Variants in SLC28A3 observed in about 807,000 individuals in gnomAD.
The protein encoded by SLC28A3 is solute carrier family 28 member 3, also known as concentrative Na(+)-nucleoside cotransporter 3.
In SLC28A3, 68 loss-of-function variants were observed where a neutral mutation model predicts 84.2. The observed-to-expected ratio is 0.81, with a 90% CI of 0.66 to 0.99. SLC28A3 has a LOEUF of 0.99. Among genes scored for constraint, SLC28A3 ranks in the 50% least tolerant of loss-of-function variants. The pLI is 0.00. For missense variants in SLC28A3, 712 were observed against 841.5 expected, an observed-to-expected ratio of 0.85 and a Z score of 1.90; for synonymous variants, 267 against 303.6, an observed-to-expected ratio of 0.88 and a Z score of 1.25.
the SLC28A3 span, among the ~76,000 whole-genome samples, chr9:84,351,860 A>G: frequency 6.6e-6 from 1 of 151,310 alleles, no homozygotes; most frequent in African/African-American, 2.4e-5. Flanking sequence ...AATGTCTGTG[A>G]TTTTACTCCC....
the SLC28A3 span, among the ~76,000 whole-genome samples, chr9:84,360,178 C>G: frequency 2.9e-3 from 440 of 151,986 alleles, 2 homozygotes; most frequent in Non-Finnish European, 5.4e-3. Context: ...GTTCTAGGAA[C>G]CATGGGAAGC....
At chr9:84,345,848 C>T in the SLC28A3 span, among the ~76,000 whole-genome samples, 2 of 152,198 alleles carry the variant, frequency 1.3e-5, no homozygotes, top group Non-Finnish European at 2.9e-5. Context: ...TGACTCCTTG[C>T]AGCACCAGAA....
intron 1 of SLC28A3, among the ~76,000 whole-genome samples, chr9:84,319,749 A>T (rs1391420029): frequency 2.6e-5 from 4 of 152,138 alleles, no homozygotes; most frequent in Non-Finnish European, 5.9e-5. Flanking sequence ...AGACACTGCC[A>T]TAAGAACTTC....
chr9:84,283,727 TATCTC>T (rs1417777296), intron 14 of SLC28A3, among the ~76,000 whole-genome samples: 3 of 152,184 alleles, frequency 2.0e-5, no homozygotes, highest in Admixed American at 6.5e-5. Flanking sequence ...CTCTCCCTCT[TATCTC>T]AGATGGAGGT....
At chr9:84,355,392 C>T in the SLC28A3 span, among the ~76,000 whole-genome samples, 4 of 151,938 alleles carry the variant, frequency 2.6e-5, no homozygotes, top group East Asian at 7.7e-4. Flanking sequence ...GAGCTATGAT[C>T]GTGCTACTAT....
rs564271324 is a variant in SLC28A3 at position 84,321,577 on chromosome 9, C to CA, written c.61-8124dup. 7.0e-3 allele frequency among the ~76,000 whole-genome samples: 1,054 copies of CA among 150,868 alleles called. 10 individuals carry two copies. The highest frequency in any genetic ancestry group is 0.023 in the African/African-American group (941 of 41,068). On this transcript the variant is annotated intron_variant, in intron 1 of 17. Transcript: ENST00000376238. The stretch of plus-strand genomic sequence containing the variant: ...TGAAACCCCGTCTCTACTAAAAATA[C>CA]AAAAAAATTAGCCAGGCGTGGTGGC...
Position 84,297,907 on chromosome 9 carries a change from T to C in SLC28A3, c.782A>G (p.Gln261Arg). Residue 261 changes from glutamine to arginine, a missense_variant and splice_region_variant, in exon 7 of 18, where the codon CAG becomes CGG. Physicochemically the swap from Gln to Arg is conservative, Grantham distance 43. Transcript: ENST00000376238. ...IAFDWLGRQVQTFLEYTDAGA... is the reference protein window; with the variant it reads ...IAFDWLGRQVRTFLEYTDAGA... ...AGTGTTCTTTTGAACCAAACTTACC[T>C]GAACTTGTCTGCCCAACCAATCAAA... is the stretch of plus-strand genomic sequence containing the variant. The C allele has an allele frequency of 6.3e-7, 1 of 1,597,478 alleles. No individual in the cohort carries two copies.
the SLC28A3 span, among the ~76,000 whole-genome samples, chr9:84,350,443 AAAAT>A: frequency 4.6e-5 from 7 of 151,402 alleles, no homozygotes; most frequent in East Asian, 1.9e-4. Context: ...CCAGGTCTCA[AAAAT>A]AAATAAATAA....
At chr9:84,349,554 T>C in the SLC28A3 span, among the ~76,000 whole-genome samples, 1 of 152,152 alleles carries the variant, frequency 6.6e-6, no homozygotes, top group South Asian at 2.1e-4. Flanking sequence ...TTTTTATAAA[T>C]TACCCATTAT....
At chr9:84,333,116 C>A (rs1359665663) in intron 1 of SLC28A3, among the ~76,000 whole-genome samples, 1 of 152,098 alleles carries the variant, frequency 6.6e-6, no homozygotes, top group Non-Finnish European at 1.5e-5. Flanking sequence ...GAGAAGCACA[C>A]AGTTTTCATG....
At chr9:84,296,744 G>A (rs985558223) in intron 8 of SLC28A3, among the ~76,000 whole-genome samples, 1 of 150,290 alleles carries the variant, frequency 6.7e-6, no homozygotes, top group Non-Finnish European at 1.5e-5. Flanking sequence ...CGTTTAGCAC[G>A]GGGATGGCTC....
chr9:84,309,777 T>C (rs1312374561), intron 2 of SLC28A3, 63 bp from the exon 3 acceptor site: 2 of 1,418,580 alleles, frequency 1.4e-6, no homozygotes, highest in Non-Finnish European at 2.0e-6. Flanking sequence ...TGGACCCTGG[T>C]TTCATTGCTC....
At chr9:84,323,477 T>A (rs574270726) in intron 1 of SLC28A3, among the ~76,000 whole-genome samples, 1 of 149,536 alleles carries the variant, frequency 6.7e-6, no homozygotes, top group South Asian at 2.1e-4. Context: ...CAGGCTGGAG[T>A]GCAGTGGCAT....
At chr9:84,319,047 A>C (rs900902917) in intron 1 of SLC28A3, among the ~76,000 whole-genome samples, 1 of 152,182 alleles carries the variant, frequency 6.6e-6, no homozygotes, top group Non-Finnish European at 1.5e-5. Flanking sequence ...TTCTAGAACA[A>C]ATTATAAACA....
chr9:84,294,395 T>C, intron 8 of SLC28A3, 120 bp from the exon 9 acceptor site: 3 of 902,616 alleles, frequency 3.3e-6, no homozygotes, highest in South Asian at 1.7e-5. Context: ...TATGGGAAAC[T>C]CCTCTTGAAC....
intron 9 of SLC28A3, 95 bp downstream of exon 9, chr9:84,294,100 G>T: frequency 9.3e-7 from 1 of 1,078,304 alleles, no homozygotes; most frequent in Non-Finnish European, 1.4e-6. Context: ...GAAGAGAAAG[G>T]CACTTCGTAA....
At chr9:84,342,119 C>T (rs1248693779), upstream of SLC28A3, among the ~76,000 whole-genome samples, 1 of 125,150 alleles carries the variant, frequency 8.0e-6, no homozygotes, top group Non-Finnish European at 1.6e-5. Flanking sequence ...CAGAGTGAGA[C>T]CCTGTCTCAA....
At chr9:84,335,776 G>T (rs1192298113) in intron 1 of SLC28A3, among the ~76,000 whole-genome samples, 1 of 151,150 alleles carries the variant, frequency 6.6e-6, no homozygotes, top group Non-Finnish European at 1.5e-5. Flanking sequence ...TATAATATTA[G>T]CTTATTTAAT....
chr9:84,297,099 A>G, intron 8 of SLC28A3, 122 bp downstream of exon 8: 1 of 651,510 alleles, frequency 1.5e-6, no homozygotes, highest in Non-Finnish European at 2.6e-6. Context: ...TGTATTGCAC[A>G]CCTCTGACCA....
Sources: allele counts gnomAD v4.1 joint callset (sites outside exome capture counted in the v4.1 genomes callset), GRCh38; gene constraint gnomAD v4.1.1; transcripts MANE v1.5; gene names NCBI Gene and HGNC (gene_info 2026-07-23, HGNC 2026-07-21).